The following KIF13B variants were observed in gnomAD, a reference collection of about 807,000 sequenced individuals.
KIF13B encodes kinesin-like protein KIF13B.
Under a neutral mutation model 222.0 loss-of-function variants are expected in KIF13B, and 127 were observed. The observed-to-expected ratio is 0.57, with a 90% CI of 0.50 to 0.66. The LOEUF (loss-of-function observed/expected upper bound fraction) is 0.66, where lower values mean the gene tolerates loss of function less well. Among genes scored for constraint, KIF13B ranks in the 30% least tolerant of loss-of-function variants. The probability of loss-of-function intolerance (pLI) is 0.00; values close to 1 mark genes in which losing one functional copy is unlikely to be tolerated. For missense variants in KIF13B, 2,173 were observed against 2,379.0 expected, an observed-to-expected ratio of 0.91 and a Z score of 1.80; for synonymous variants, 976 against 919.0, an observed-to-expected ratio of 1.06 and a Z score of -1.12.
intron 38 of KIF13B, 87 bp from the exon 39 acceptor site, chr8:29,072,403 G>A: frequency 2.2e-6 from 2 of 894,770 alleles, no homozygotes; most frequent in Middle Eastern, 3.8e-4. Flanking sequence ...AAAAGAGCAT[G>A]AGGCCAGGGG....
At chr8:29,118,248 T>C (rs1471006660) in intron 30 of KIF13B, among the ~76,000 whole-genome samples, 1 of 150,820 alleles carries the variant, frequency 6.6e-6, no homozygotes, top group African/African-American at 2.4e-5. Context: ...CCCAGCACTT[T>C]GGGAGGCCAA....
At chr8:29,175,298 C>T (rs1204138232) in intron 10 of KIF13B, among the ~76,000 whole-genome samples, 1 of 152,102 alleles carries the variant, frequency 6.6e-6, no homozygotes, top group Non-Finnish European at 1.5e-5. Context: ...ATAAGTCTCT[C>T]TTTTTTCACC....
intron 38 of KIF13B, among the ~76,000 whole-genome samples, chr8:29,073,510 A>C (rs1807412223): frequency 6.6e-6 from 1 of 152,170 alleles, no homozygotes; most frequent in Admixed American, 6.5e-5. Context: ...TTCTATTCCT[A>C]TTCACAGTGA....
rs139042291 is a variant in KIF13B, at chr8:29,166,561, G to C, written c.1159-789C>G. 1.2e-3 allele frequency among the ~76,000 whole-genome samples: 176 copies of C among 152,256 alleles called. 3 individuals carry two copies. The highest frequency in any genetic ancestry group is 3.7e-3 in the African/African-American group (154 of 41,560). ...CTCTATAAAAACTACAAAATTAGCTGGGCGTGGTGGCGTGCGCCTGTAATC... is the reference window on the plus strand; with the variant it reads ...CTCTATAAAAACTACAAAATTAGCTCGGCGTGGTGGCGTGCGCCTGTAATC... On this transcript the variant is annotated intron_variant, in intron 11 of 39. Transcript: ENST00000524189.
At position 29,255,577 on chromosome 8, in the gene KIF13B, T is replaced by TA. The variant is rs554446934; in HGVS notation, c.55+7402dup. ...AATATCTCCCCAAAACTTTTTTTTT[T>TA]AAAAAAAGGTACCTACCCCTCCAGG... is the stretch of plus-strand genomic sequence containing the variant. On this transcript the variant is annotated intron_variant, in intron 1 of 39. Coordinates refer to ENST00000524189, the MANE Select transcript of KIF13B (RefSeq NM_015254.4). 1.8e-4 allele frequency among the ~76,000 whole-genome samples: 27 copies of TA among 151,790 alleles called. No individual in the cohort carries two copies. The South Asian group carries it at 5.2e-3, about 29-fold the overall frequency.
chr8:29,242,550 T>C (rs1815827091), intron 2 of KIF13B, among the ~76,000 whole-genome samples: 1 of 152,220 alleles, frequency 6.6e-6, no homozygotes, highest in South Asian at 2.1e-4. Flanking sequence ...TCCAAAAAGA[T>C]ATTAATTGTT....
intron 1 of KIF13B, among the ~76,000 whole-genome samples, chr8:29,249,430 TAAAAAAAAA>T (rs770545452): frequency 3.9e-4 from 46 of 118,776 alleles, no homozygotes; most frequent in Non-Finnish European, 7.7e-4. Flanking sequence ...ACTCCGTCTT[TAAAAAAAAA>T]AAAAAAAAAA....
At chr8:29,178,875 T>A (rs959369156) in intron 8 of KIF13B, among the ~76,000 whole-genome samples, 6 of 152,130 alleles carry the variant, frequency 3.9e-5, no homozygotes, top group Admixed American at 2.6e-4. Flanking sequence ...GGCATCATAA[T>A]AAAATATGTA....
At chr8:29,078,090 C>A (rs1807644993) in intron 37 of KIF13B, among the ~76,000 whole-genome samples, 1 of 129,082 alleles carries the variant, frequency 7.7e-6, no homozygotes, top group Non-Finnish European at 1.5e-5. Flanking sequence ...TGGGACCAGC[C>A]TGGCCAACAT....
intron 37 of KIF13B, among the ~76,000 whole-genome samples, chr8:29,083,308 A>C (rs1807898013): frequency 6.6e-6 from 1 of 152,362 alleles, no homozygotes; most frequent in South Asian, 2.1e-4. Context: ...TCATTTGTTT[A>C]ATACTGTCTA....
intron 17 of KIF13B, among the ~76,000 whole-genome samples, chr8:29,147,145 A>C (rs1811092746): frequency 6.6e-6 from 1 of 152,242 alleles, no homozygotes; most frequent in Non-Finnish European, 1.5e-5. Flanking sequence ...TCTATATCCA[A>C]ATCCAAAAGC....
chr8:29,146,645 A>G, intron 17 of KIF13B, 105 bp from the exon 18 acceptor site: 2 of 1,064,024 alleles, frequency 1.9e-6, no homozygotes, highest in Non-Finnish European at 2.7e-6. Flanking sequence ...GTGTGAATTG[A>G]GCTTTTTCCG....
chr8:29,176,417 A>C (rs570492862), intron 9 of KIF13B, among the ~76,000 whole-genome samples: 13 of 152,318 alleles, frequency 8.5e-5, no homozygotes, highest in African/African-American at 2.9e-4. Context: ...GTGAGCTATA[A>C]ATCTTCAGGT....
rs1812644854 is a variant in KIF13B at position 29,180,017 on chromosome 8, T to TA, written c.720+86dup. 2.0e-6 allele frequency: 3 copies of TA among 1,464,542 alleles called. No homozygotes were observed. In the Admixed American group the frequency reaches 5.5e-5, roughly 27 times the overall value. 90.7% of individuals were successfully genotyped at this position (1,464,542 alleles called of 1,614,324 possible). The stretch of plus-strand genomic sequence containing the variant: ...TGATACACAAGTCTAGCCAGGACTT[T>TA]AATTCATCTAACACCTGAAGAGGAA... On this transcript the variant is annotated intron_variant, in intron 8 of 39. Transcript: ENST00000524189.
At chr8:29,153,450 C>T (rs948458997) in intron 14 of KIF13B, among the ~76,000 whole-genome samples, 3 of 151,996 alleles carry the variant, frequency 2.0e-5, no homozygotes, top group Non-Finnish European at 4.4e-5. Context: ...ATGAAAATGG[C>T]ATTCAACAGA....
chr8:29,096,942 A>C (rs1808559856), intron 36 of KIF13B, among the ~76,000 whole-genome samples: 1 of 152,146 alleles, frequency 6.6e-6, no homozygotes, highest in Non-Finnish European at 1.5e-5. Context: ...GCCAAGCAGA[A>C]AACCAATAAA....
At chr8:29,260,819 T>C (rs1212525872) in intron 1 of KIF13B, among the ~76,000 whole-genome samples, 2 of 152,184 alleles carry the variant, frequency 1.3e-5, no homozygotes, top group African/African-American at 2.4e-5. Flanking sequence ...GGTTTTGCCA[T>C]GTTAGGCAGG....
At position 29,191,062 on chromosome 8, in the gene KIF13B, T is replaced by A. The variant is rs370175033; in HGVS notation, c.163-5A>T. 2.7e-5 allele frequency: 44 copies of A among 1,605,228 alleles called. No homozygotes were observed. Among genetic ancestry groups the A allele is most frequent in the Non-Finnish European group, 3.5e-5 (41 of 1,174,880 alleles). ...ACAATGATCATAAGCAAACACCTGT[T>A]GAAAATGAACATAAGTGTGTGTTAA... On this transcript the variant is annotated splice_polypyrimidine_tract_variant and splice_region_variant and intron_variant, in intron 3 of 39. Coordinates refer to ENST00000524189, the MANE Select transcript of KIF13B (RefSeq NM_015254.4).
intron 13 of KIF13B, among the ~76,000 whole-genome samples, chr8:29,156,101 T>A (rs1349989787): frequency 3.9e-5 from 6 of 152,100 alleles, no homozygotes; most frequent in Non-Finnish European, 8.8e-5. Flanking sequence ...CCCGAGTAGC[T>A]GGGATTACAG....
Sources: gnomAD v4.1 joint callset for allele counts (sites outside exome capture counted in the v4.1 genomes callset) on GRCh38, gnomAD v4.1.1 for gene constraint, MANE v1.5 for transcripts, NCBI Gene and HGNC (gene_info 2026-07-23, HGNC 2026-07-21) for gene names.